QTRT2: variants seen among roughly 807,000 people sequenced by gnomAD.
The protein encoded by QTRT2 is queuine tRNA-ribosyltransferase domain containing 1.
Under a neutral mutation model 44.8 loss-of-function variants are expected in QTRT2, and 32 were observed. The ratio of observed to expected loss-of-function variants is 0.71; its 90% CI spans 0.54 to 0.96. QTRT2 has a LOEUF of 0.96. Ranked by LOEUF, QTRT2 falls within the 40% of genes least tolerant of loss-of-function variation. The pLI, the probability that QTRT2 is intolerant of heterozygous loss-of-function variation, is 0.00. For synonymous variants in QTRT2, 182 were observed against 187.4 expected (o/e 0.97, Z 0.24); for missense variants, 461 against 503.1 (o/e 0.92, Z 0.80).
intron 2 of QTRT2, among the ~76,000 whole-genome samples, chr3:114,060,525 TA>T (rs2076869870): frequency 1.8e-5 from 2 of 111,752 alleles, no homozygotes; most frequent in African/African-American, 5.8e-5. Context: ...GATAGATAGA[TA>T]GATAGATAGA....
At chr3:114,059,309 A>G (rs113477256) in intron 2 of QTRT2, among the ~76,000 whole-genome samples, 12 of 152,372 alleles carry the variant, frequency 7.9e-5, no homozygotes, top group African/African-American at 2.9e-4. Flanking sequence ...CAGACCCACA[A>G]CAAGTGAAAA....
rs1158935873 is a variant in QTRT2 at position 114,064,294 on chromosome 3, C to CAG, written c.-21-943_-21-942insAG. ...CATTTGTCAACTAATAAAACTGGGCCTGGCCCAGTTTTTAAGAATTCCAGA... is the reference window on the plus strand; with the variant it reads ...CATTTGTCAACTAATAAAACTGGGCCAGTGGCCCAGTTTTTAAGAATTCCAGA... On this transcript the variant is annotated intron_variant, in intron 2 of 9. Transcript: ENST00000281273. Among the ~76,000 whole-genome samples, 3 of 152,160 alleles carry CAG rather than the reference C, an allele frequency of 2.0e-5. No individual in the cohort carries two copies. The East Asian group carries it at 5.8e-4, about 29-fold the overall frequency.
chr3:114,073,946 T>C (rs569517859), intron 6 of QTRT2, among the ~76,000 whole-genome samples: 1 of 152,364 alleles, frequency 6.6e-6, no homozygotes, highest in South Asian at 2.1e-4. Flanking sequence ...CTCCTCTTAT[T>C]CTGAATGCCC....
chr3:114,074,492 G>A (rs778146949), intron 6 of QTRT2, among the ~76,000 whole-genome samples: 7 of 152,102 alleles, frequency 4.6e-5, no homozygotes, highest in South Asian at 4.1e-4. Context: ...GCCTTAGTCC[G>A]GATCATCTCA....
chr3:114,079,969 A>G lies in QTRT2; in HGVS notation c.810A>G (p.Leu270=), dbSNP rs2077145201. The change falls in exon 8 of 10, where the codon TTA becomes TTG. Residue 270 remains leucine, a synonymous_variant. Coordinates refer to ENST00000281273, the MANE Select transcript of QTRT2 (RefSeq NM_024638.4). The part of the protein sequence containing the change: ...VLECIERGVD[L]FESFFPYQVT... ...AGTGTATTGAAAGAGGAGTGGACTT[A>G]TTTGAGAGTTTTTTCCCTTATCAAG... The G allele has an allele frequency of 6.2e-7, 1 of 1,613,804 alleles. No homozygotes were observed. The highest frequency in any genetic ancestry group is 8.5e-7 in the Non-Finnish European group (1 of 1,179,828).
intron 7 of QTRT2, chr3:114,077,216 T>G: frequency 2.6e-6 from 1 of 379,026 alleles, no homozygotes; most frequent in Admixed American, 4.0e-5. Flanking sequence ...TTATACTGTT[T>G]CCCCTCATTC....
intron 5 of QTRT2, among the ~76,000 whole-genome samples, chr3:114,068,785 T>C (rs573270757): frequency 2.0e-5 from 3 of 152,296 alleles, no homozygotes; most frequent in Non-Finnish European, 2.9e-5. Context: ...TGGTGGCTCA[T>C]GCATGTAATC....
intron 6 of QTRT2, among the ~76,000 whole-genome samples, chr3:114,075,235 A>G (rs941362379): frequency 6.6e-6 from 1 of 152,172 alleles, no homozygotes; most frequent in Non-Finnish European, 1.5e-5. Flanking sequence ...TTGTTATTAT[A>G]TGGGCAAAAA....
intron 9 of QTRT2, among the ~76,000 whole-genome samples, chr3:114,083,314 C>T (rs6774648): frequency 2.4e-4 from 36 of 150,302 alleles, no homozygotes; most frequent in African/African-American, 7.4e-4. Context: ...GTTGCTGCTG[C>T]TGTTGTTGTT....
intron 8 of QTRT2, among the ~76,000 whole-genome samples, chr3:114,080,718 T>C (rs2077156093): frequency 6.6e-6 from 1 of 152,202 alleles, no homozygotes; most frequent in African/African-American, 2.4e-5. Context: ...CCCTCTGGCC[T>C]TCAGAAATGA....
Position 114,085,985 on chromosome 3 carries a change from T to C in QTRT2, c.*81T>C. 9.1e-7 allele frequency: 1 copy of C among 1,095,068 alleles called. No homozygotes were observed. 67.8% of individuals were successfully genotyped at this position (1,095,068 alleles called of 1,614,324 possible). A position where few individuals can be genotyped will look rare whatever the true frequency, so the allele number is the denominator to read the frequency against. ...ATGGGAAGACGTGAAGAAGAAATAATCTGAGCTTTAATTATTTATATTTGG... is the reference window on the plus strand; with the variant it reads ...ATGGGAAGACGTGAAGAAGAAATAACCTGAGCTTTAATTATTTATATTTGG... On this transcript the variant is annotated 3_prime_UTR_variant, in exon 10 of 10. Coordinates refer to ENST00000281273, the MANE Select transcript of QTRT2 (RefSeq NM_024638.4).
At chr3:114,070,552 T>C in intron 5 of QTRT2, 74 bp from the exon 6 acceptor site, 2 of 1,293,694 alleles carry the variant, frequency 1.5e-6, no homozygotes, top group Non-Finnish European at 2.2e-6. Flanking sequence ...GAATTATTGC[T>C]TTATCATTTT....
At chr3:114,079,811 T>C in intron 7 of QTRT2, 95 bp from the exon 8 acceptor site, 1 of 1,175,564 alleles carries the variant, frequency 8.5e-7, no homozygotes, top group Non-Finnish European at 1.3e-6. Context: ...TTTTTCATTA[T>C]TACTATTTTT....
intron 8 of QTRT2, 102 bp downstream of exon 8, chr3:114,080,159 C>G: frequency 1.1e-6 from 1 of 932,732 alleles, no homozygotes; most frequent in Non-Finnish European, 1.6e-6. Context: ...TAAAGCCAGT[C>G]TTTTACAAAA....
chr3:114,061,643 T>C (rs1295053890), intron 2 of QTRT2, among the ~76,000 whole-genome samples: 1 of 152,206 alleles, frequency 6.6e-6, no homozygotes, highest in African/African-American at 2.4e-5. Context: ...AGTGGCGTGA[T>C]CATGGCTCAC....
intron 6 of QTRT2, among the ~76,000 whole-genome samples, chr3:114,075,407 G>C (rs1188126616): frequency 1.3e-5 from 2 of 151,844 alleles, no homozygotes; most frequent in African/African-American, 4.8e-5. Context: ...GTATTGGTTG[G>C]AGCTCATTTT....
In QTRT2 at chr3:114,085,859, C is replaced by G. The variant is rs1442183381; in HGVS notation, c.1203C>G (p.Asp401Glu). ...ACATCCGGGAAGCACTAAAAAGTGA[C>G]AAACTGGCACAGTTGAAAGAGCTCA... ...FHYIREALKS[D>E]KLAQLKELIH... Residue 401 changes from aspartate (D) to glutamate (E), a missense_variant, in exon 10 of 10, where the codon GAC becomes GAG. By Grantham distance (45) the Asp-to-Glu change is conservative. Transcript: ENST00000281273. 1.9e-6 allele frequency: 3 copies of G among 1,614,034 alleles called. No individual in the cohort carries two copies. The African/African-American group carries it at 4.0e-5, about 22-fold the overall frequency.
intron 7 of QTRT2, chr3:114,077,149 T>C: frequency 3.5e-6 from 2 of 576,044 alleles, no homozygotes; most frequent in Non-Finnish European, 6.2e-6. Flanking sequence ...GAATGTAGAG[T>C]AGAGGATAAT....
intron 7 of QTRT2, chr3:114,078,414 A>C (rs1314476747): frequency 6.6e-6 from 1 of 150,808 alleles, no homozygotes; most frequent in Non-Finnish European, 1.5e-5. Context: ...TATTTGTAAG[A>C]GTTCTGCTTA....
Sources: allele counts gnomAD v4.1 joint callset (sites outside exome capture counted in the v4.1 genomes callset), GRCh38; gene constraint gnomAD v4.1.1; transcripts MANE v1.5; gene names NCBI Gene and HGNC (gene_info 2026-07-23, HGNC 2026-07-21).